The following PCDH9 variants were observed in gnomAD, a reference collection of about 807,000 sequenced individuals.
PCDH9 encodes the protein protocadherin 9.
A neutral mutation model predicts 70.6 loss-of-function variants in PCDH9; 24 were observed. The ratio of observed to expected loss-of-function variants is 0.34; its 90% CI spans 0.25 to 0.48. The LOEUF (loss-of-function observed/expected upper bound fraction) is 0.48. PCDH9 is among the 20% of genes least tolerant of loss of function. PCDH9 has a pLI of 0.99. For missense variants in PCDH9, 1,281 were observed against 1,503.6 expected (o/e 0.85, Z 2.45); for synonymous variants, 562 against 558.5 (o/e 1.01, Z -0.09).
intron 4 of PCDH9, among the ~76,000 whole-genome samples, chr13:66,487,896 G>C (rs1303487655): frequency 6.6e-6 from 1 of 152,158 alleles, no homozygotes; most frequent in Admixed American, 6.6e-5. Flanking sequence ...TGAAACTTTG[G>C]ATGAGAACCA....
At chr13:66,313,094 C>G (rs927462705) in intron 4 of PCDH9, among the ~76,000 whole-genome samples, 7 of 152,158 alleles carry the variant, frequency 4.6e-5, no homozygotes, top group African/African-American at 1.7e-4. Flanking sequence ...AAGCTAATTG[C>G]TGTAAAGAAA....
rs1413365526 is a variant in PCDH9 at position 67,228,436 on chromosome 13, T to C, written c.5A>G (p.Asp2Gly). The change falls in exon 2 of 5, where the codon GAC (aspartate) becomes GGC (glycine). Residue 2 changes from aspartate to glycine, a missense_variant. Around this residue, in one of 4 missense-constraint regions of PCDH9, gnomAD observed 798 missense variants for 1,003.1 expected, o/e 0.80. Transcript: ENST00000377865. ...AGCCAACAGGTAAAAATCCCTCAGGTCCATGATAATGTATTTATTTTCTTT... is the reference window on the plus strand; with the variant it reads ...AGCCAACAGGTAAAAATCCCTCAGGCCCATGATAATGTATTTATTTTCTTT... Reference protein sequence around the residue: MDLRDFYLLAAL... With the variant: MGLRDFYLLAAL... The C allele has an allele frequency of 1.3e-6, 2 of 1,561,922 alleles. No homozygotes were observed. Among genetic ancestry groups the C allele is most frequent in the Non-Finnish European group, 1.7e-6 (2 of 1,157,348 alleles).
At chr13:67,032,549 T>G (rs1195600125) in intron 2 of PCDH9, among the ~76,000 whole-genome samples, 2 of 152,084 alleles carry the variant, frequency 1.3e-5, no homozygotes, top group East Asian at 3.9e-4. Flanking sequence ...ATGTAAAAAT[T>G]CTTATGGATA....
At chr13:66,439,335 G>GT (rs200275298) in intron 4 of PCDH9, among the ~76,000 whole-genome samples, 2 of 151,766 alleles carry the variant, frequency 1.3e-5, no homozygotes, top group Non-Finnish European at 2.9e-5. Flanking sequence ...CAAGACAATG[G>GT]TTTTTTTTAG....
intron 2 of PCDH9, among the ~76,000 whole-genome samples, chr13:66,906,215 G>A (rs151101090): frequency 3.2e-4 from 49 of 152,260 alleles, no homozygotes; most frequent in Non-Finnish European, 5.7e-4. Flanking sequence ...AGAGAGTCTC[G>A]AGAGGTGGAC....
intron 4 of PCDH9, among the ~76,000 whole-genome samples, chr13:66,523,895 A>T (rs1292318287): frequency 6.6e-6 from 1 of 151,994 alleles, no homozygotes. Context: ...TATATAACAG[A>T]TAGATAGTTT....
intron 4 of PCDH9, among the ~76,000 whole-genome samples, chr13:66,613,114 C>G (rs2077312993): frequency 6.6e-6 from 1 of 151,970 alleles, no homozygotes; most frequent in Non-Finnish European, 1.5e-5. Flanking sequence ...ATGGCATTTT[C>G]TTTTTTGGGA....
intron 4 of PCDH9, among the ~76,000 whole-genome samples, chr13:66,593,725 T>C (rs2077066226): frequency 6.6e-6 from 1 of 151,716 alleles, no homozygotes; most frequent in African/African-American, 2.4e-5. Context: ...ATCTTTGCTT[T>C]TGTTTTATTT....
chr13:66,652,492 A>G (rs1418811541), intron 3 of PCDH9, among the ~76,000 whole-genome samples: 4 of 152,012 alleles, frequency 2.6e-5, no homozygotes, highest in Admixed American at 2.6e-4. Flanking sequence ...GTCACACAAA[A>G]AAGGAAAGAT....
chr13:66,857,670 A>G (rs1275377701), intron 3 of PCDH9, among the ~76,000 whole-genome samples: 1 of 152,128 alleles, frequency 6.6e-6, no homozygotes, highest in Non-Finnish European at 1.5e-5. Context: ...GTATATTCAT[A>G]TATTTTTTTT....
Position 66,481,393 on chromosome 13 carries a change from C to T in PCDH9, c.3340+149817G>A, listed in dbSNP as rs1406049785. Among the ~76,000 whole-genome samples, 4 of 151,884 alleles carry T rather than the reference C, an allele frequency of 2.6e-5. 1 individual carries two copies. Among genetic ancestry groups the T allele is most frequent in the Admixed American group, 2.6e-4 (4 of 15,254 alleles). ...GCAGCCATCAACATTGAGGCAGTAC[C>T]CTCTAACAGAAAACAGATTACAACT... On this transcript the variant is annotated intron_variant, in intron 4 of 4. Transcript: ENST00000377865.
intron 4 of PCDH9, among the ~76,000 whole-genome samples, chr13:66,433,635 T>C (rs889137466): frequency 2.6e-5 from 4 of 151,782 alleles, no homozygotes; most frequent in Non-Finnish European, 5.9e-5. Context: ...TGAGCTGCAA[T>C]GTATTATAAT....
At chr13:66,579,597 A>G (rs1191673835) in intron 4 of PCDH9, among the ~76,000 whole-genome samples, 1 of 152,116 alleles carries the variant, frequency 6.6e-6, no homozygotes, top group Admixed American at 6.6e-5. Context: ...TACCAATAGC[A>G]ATCATTGTGG....
At chr13:66,559,816 A>AT (rs1961919583) in intron 4 of PCDH9, among the ~76,000 whole-genome samples, 8 of 64,564 alleles carry the variant, frequency 1.2e-4, no homozygotes, top group African/African-American at 4.1e-4. Context: ...AAAAAAAAAA[A>AT]AATATATATA....
At chr13:67,167,814 G>C (rs2138435360) in intron 2 of PCDH9, among the ~76,000 whole-genome samples, 1 of 152,216 alleles carries the variant, frequency 6.6e-6, no homozygotes, top group East Asian at 1.9e-4. Flanking sequence ...AAACAGATCA[G>C]GTGTCTGGAG....
chr13:66,875,493 A>T (rs1400259837), intron 3 of PCDH9, among the ~76,000 whole-genome samples: 1 of 152,210 alleles, frequency 6.6e-6, no homozygotes, highest in Non-Finnish European at 1.5e-5. Flanking sequence ...CACACAAAGC[A>T]TACAAAGCAC....
At chr13:67,008,317 ATTTCT>A (rs1176462102) in intron 2 of PCDH9, among the ~76,000 whole-genome samples, 1 of 152,168 alleles carries the variant, frequency 6.6e-6, no homozygotes, top group Non-Finnish European at 1.5e-5. Flanking sequence ...ACTGTATCAC[ATTTCT>A]TTTCTATGTA....
At chr13:66,384,257 A>AT (rs906796729) in intron 4 of PCDH9, among the ~76,000 whole-genome samples, 8 of 152,144 alleles carry the variant, frequency 5.3e-5, no homozygotes, top group African/African-American at 1.9e-4. Flanking sequence ...GAATTTGATT[A>AT]TAGTTCCAGA....
At chr13:66,883,174 C>A (rs1266702935) in intron 3 of PCDH9, among the ~76,000 whole-genome samples, 1 of 152,160 alleles carries the variant, frequency 6.6e-6, no homozygotes, top group Non-Finnish European at 1.5e-5. Context: ...ATATCTACAT[C>A]ACCTCTAAGG....
Sources: gnomAD v4.1 joint callset for allele counts (sites outside exome capture counted in the v4.1 genomes callset) on GRCh38, gnomAD v4.1.1 for gene constraint, gnomAD v4.1.1 regional missense constraint, MANE v1.5 for transcripts, NCBI Gene and HGNC (gene_info 2026-07-23, HGNC 2026-07-21) for gene names.